RPS6KA5: variants seen among roughly 807,000 people sequenced by gnomAD.
RPS6KA5 encodes the protein ribosomal protein S6 kinase alpha-5.
In RPS6KA5, 27 loss-of-function variants were observed where a neutral mutation model predicts 85.5. The ratio of observed to expected loss-of-function variants is 0.32; its 90% confidence interval spans 0.23 to 0.44. RPS6KA5 has a LOEUF of 0.44. RPS6KA5 is among the 20% of genes least tolerant of loss of function. The pLI is 1.00. For missense variants in RPS6KA5, 811 were observed against 980.9 expected, an observed-to-expected ratio of 0.83 and a Z score of 2.31; for synonymous variants, 334 against 348.2, an observed-to-expected ratio of 0.96 and a Z score of 0.46.
intron 2 of RPS6KA5, among the ~76,000 whole-genome samples, chr14:90,981,254 A>G (rs1032110884): frequency 2.6e-5 from 4 of 152,234 alleles, no homozygotes; most frequent in Non-Finnish European, 5.9e-5. Context: ...GACTTAAAAA[A>G]GAGTATCACT....
intron 5 of RPS6KA5, among the ~76,000 whole-genome samples, chr14:90,933,686 C>A (rs1446576354): frequency 6.6e-6 from 1 of 152,120 alleles, no homozygotes; most frequent in Non-Finnish European, 1.5e-5. Context: ...CTCAAAACTC[C>A]CCAGTGGCTC....
intron 13 of RPS6KA5, among the ~76,000 whole-genome samples, chr14:90,892,153 C>T (rs1207529219): frequency 6.6e-6 from 1 of 152,016 alleles, no homozygotes; most frequent in Non-Finnish European, 1.5e-5. Context: ...TGCCCGCCAC[C>T]ATGCCTGGCT....
chr14:91,030,358 T>C (rs77248498), intron 1 of RPS6KA5, among the ~76,000 whole-genome samples: 1,890 of 151,462 alleles, frequency 0.012, 15 homozygotes, highest in Non-Finnish European at 0.021. Context: ...GCGCTGTTGG[T>C]TTCAGAAAGC....
chr14:90,885,412 G>A (rs1409870444), intron 14 of RPS6KA5, among the ~76,000 whole-genome samples: 1 of 150,798 alleles, frequency 6.6e-6, no homozygotes, highest in African/African-American at 2.4e-5. Context: ...AATTAGCCGG[G>A]CGTAGTGGCG....
chr14:90,993,198 T>C (rs1229344325), intron 2 of RPS6KA5, among the ~76,000 whole-genome samples: 1 of 152,170 alleles, frequency 6.6e-6, no homozygotes, highest in Non-Finnish European at 1.5e-5. Flanking sequence ...TCCCAACACT[T>C]TGGGAGGCCG....
chr14:90,945,365 C>G (rs1254698785), intron 4 of RPS6KA5, among the ~76,000 whole-genome samples: 1 of 152,210 alleles, frequency 6.6e-6, no homozygotes, highest in East Asian at 1.9e-4. Flanking sequence ...CAGACATTGA[C>G]TTGGAGCATT....
chr14:90,968,332 T>C (rs2039168106), intron 3 of RPS6KA5, among the ~76,000 whole-genome samples: 1 of 152,174 alleles, frequency 6.6e-6, no homozygotes, highest in Non-Finnish European at 1.5e-5. Flanking sequence ...TAAGGACCCT[T>C]GTGGTTACAT....
chr14:90,900,234 GGA>G lies in RPS6KA5; in HGVS notation c.1251_1252del (p.Pro418IlefsTer6). On this transcript the variant is annotated frameshift_variant, in exon 11 of 17. Transcript: ENST00000614987. LOFTEE classifies it high-confidence loss of function. Reference sequence around the variant, plus strand: ...ATCTAGGTCATAGTGTTGATAGAATGGAGAGTCCTGTCAAGAAATCAACATCA... The same window carrying G: ...ATCTAGGTCATAGTGTTGATAGAATGGAGTCCTGTCAAGAAATCAACATCA... 6.3e-7 allele frequency: 1 copy of G among 1,579,076 alleles called. No homozygotes were observed. The highest frequency in any genetic ancestry group is 1.2e-5 in the South Asian group (1 of 82,770).
At chr14:91,017,046 G>T (rs1284883268) in intron 1 of RPS6KA5, among the ~76,000 whole-genome samples, 1 of 152,146 alleles carries the variant, frequency 6.6e-6, no homozygotes, top group African/African-American at 2.4e-5. Flanking sequence ...GTGGGCTCAT[G>T]AACAAAGTGG....
At chr14:91,056,445 G>A (rs1025871337) in intron 1 of RPS6KA5, among the ~76,000 whole-genome samples, 6 of 152,196 alleles carry the variant, frequency 3.9e-5, no homozygotes, top group African/African-American at 1.4e-4. Flanking sequence ...CTTTTCAGTA[G>A]TGGAAGCTGT....
rs189652851 is a variant in RPS6KA5 at position 90,864,963 on chromosome 14, T to C, written c.*7111A>G. 1.3e-5 allele frequency: 2 copies of C among 152,236 alleles called. No individual in the cohort carries two copies. The highest frequency in any genetic ancestry group is 4.8e-5 in the African/African-American group (2 of 41,458). The allele number at this position is 152,236 out of a possible 1,614,324, so 9.4% of individuals were successfully genotyped here. A position where few individuals can be genotyped will look rare whatever the true frequency, so the allele number is the denominator to read the frequency against. ...AACACTTACACATTATTGGTGGGTA[T>C]GTAAATTGGTACAACCATTGTTGAA... On this transcript the variant is annotated 3_prime_UTR_variant, in exon 17 of 17. Coordinates refer to ENST00000614987, the MANE Select transcript of RPS6KA5 (RefSeq NM_004755.4).
intron 3 of RPS6KA5, among the ~76,000 whole-genome samples, chr14:90,952,210 T>C (rs1436251229): frequency 2.0e-5 from 3 of 152,252 alleles, no homozygotes. Context: ...CCTCCTTACA[T>C]GCTATTAGTG....
At chr14:90,935,332 G>A (rs542050292) in intron 5 of RPS6KA5, among the ~76,000 whole-genome samples, 55 of 152,188 alleles carry the variant, frequency 3.6e-4, no homozygotes, top group Non-Finnish European at 7.5e-4. Context: ...ATTCTCAATG[G>A]TATATTTTAA....
chr14:90,926,684 T>TGC (rs1472440326), intron 5 of RPS6KA5, among the ~76,000 whole-genome samples: 4 of 151,596 alleles, frequency 2.6e-5, no homozygotes, highest in Non-Finnish European at 5.9e-5. Flanking sequence ...TGTGTGTGTG[T>TGC]GTGTGTGTGT....
chr14:91,035,865 AAAAAAAAAAAAAAAAAC>A (rs2042381890), intron 1 of RPS6KA5, among the ~76,000 whole-genome samples: 1 of 148,718 alleles, frequency 6.7e-6, no homozygotes, highest in African/African-American at 2.5e-5. Context: ...AAAAAAAAAA[AAAAAAAAAAAAAAAAAC>A]CCCAAAGCTG....
chr14:90,898,031 T>C (rs2034937257), intron 12 of RPS6KA5, among the ~76,000 whole-genome samples: 1 of 152,196 alleles, frequency 6.6e-6, no homozygotes. Flanking sequence ...CTTTTCTGAC[T>C]ACAAGAACCA....
chr14:90,894,217 A>T, intron 13 of RPS6KA5, 196 bp downstream of exon 13: 1 of 1,226,600 alleles, frequency 8.2e-7, no homozygotes, highest in East Asian at 3.2e-5. Context: ...AGCTGGCAAA[A>T]AATAAACAAA....
At chr14:90,900,375 C>G in intron 10 of RPS6KA5, 134 bp from the exon 11 acceptor site, 1 of 664,912 alleles carries the variant, frequency 1.5e-6, no homozygotes, top group Non-Finnish European at 2.2e-6. Context: ...TAAAATTCAT[C>G]TTTATAGGTA....
intron 2 of RPS6KA5, 117 bp from the exon 3 acceptor site, chr14:90,978,641 C>A (rs1392725438): frequency 1.4e-6 from 1 of 697,482 alleles, no homozygotes; most frequent in Non-Finnish European, 2.3e-6. Context: ...GAAAAAGTAC[C>A]CTTGGTACCA....
Sources: gnomAD v4.1 joint callset for allele counts (sites outside exome capture counted in the v4.1 genomes callset) on GRCh38, gnomAD v4.1.1 for gene constraint, MANE v1.5 for transcripts, NCBI Gene and HGNC (gene_info 2026-07-23, HGNC 2026-07-21) for gene names.